Variants in CSNK2A1 observed in about 807,000 individuals in gnomAD.
CSNK2A1 encodes the protein casein kinase 2 alpha 1, also known as casein kinase II subunit alpha.
CSNK2A1 carries 10 observed loss-of-function variants against 62.9 expected under a neutral mutation model. That is an observed-to-expected ratio of 0.16 (90% CI 0.10 to 0.27). CSNK2A1 has a LOEUF of 0.27. Among genes scored for constraint, CSNK2A1 ranks in the 10% least tolerant of loss-of-function variants. The probability of loss-of-function intolerance (pLI) is 1.00; values close to 1 mark genes in which losing one functional copy is unlikely to be tolerated. For missense variants in CSNK2A1, 160 were observed against 492.0 expected (o/e 0.33, Z 6.38); for synonymous variants, 124 against 167.8 (o/e 0.74, Z 2.02).
In CSNK2A1 at chr20:489,893, T is replaced by G; in HGVS notation, c.622-12A>C. The G allele has an allele frequency of 1.3e-6, 2 of 1,595,550 alleles. No homozygotes were observed. Among genetic ancestry groups the G allele is most frequent in the Middle Eastern group, 3.3e-4 (2 of 6,012 alleles). On this transcript the variant is annotated splice_polypyrimidine_tract_variant and intron_variant, in intron 9 of 13. Coordinates refer to ENST00000217244, the MANE Select transcript of CSNK2A1 (RefSeq NM_177559.3). ...CTATAATCGTACATCTGCATAAAAG[T>G]AAACTCACTGTTATTATCTGTGAAT...
chr20:505,071 TA>T, intron 4 of CSNK2A1, 46 bp downstream of exon 4: 2 of 1,497,638 alleles, frequency 1.3e-6, no homozygotes, highest in African/African-American at 2.8e-5. Context: ...AAACTACTTT[TA>T]AAAATCTATA....
Position 497,726 on chromosome 20 carries a change from G to T in CSNK2A1, c.421C>A (p.Leu141Met). ...AGTATTCAAGGTTCACTTACCTTCA[G>T]AATCTCATACATGTAAAATCGAATA... ...YDIRFYMYEI[L>M]KALDYCHSMG... The change falls in exon 7 of 14, where the codon CTG (leucine) becomes ATG (methionine). Residue 141 changes from leucine (L) to methionine (M), a missense_variant. Physicochemically the swap from Leu to Met is conservative, Grantham distance 15. Transcript: ENST00000217244. The T allele has an allele frequency of 6.2e-7, 1 of 1,609,540 alleles. No homozygotes were observed. The highest frequency in any genetic ancestry group is 1.1e-5 in the South Asian group (1 of 90,866).
chr20:521,943 T>C (rs996454795), intron 2 of CSNK2A1, among the ~76,000 whole-genome samples: 3 of 152,186 alleles, frequency 2.0e-5, no homozygotes, highest in African/African-American at 7.2e-5. Flanking sequence ...ACATATTGTA[T>C]ACTTCCATTT....
chr20:493,902 T>C (rs1193890586), intron 8 of CSNK2A1, among the ~76,000 whole-genome samples: 1 of 152,196 alleles, frequency 6.6e-6, no homozygotes, highest in Admixed American at 6.5e-5. Context: ...TCCATCCAAG[T>C]TGTTGCATGT....
intron 13 of CSNK2A1, among the ~76,000 whole-genome samples, chr20:485,537 G>T (rs919557669): frequency 6.6e-6 from 1 of 152,150 alleles, no homozygotes; most frequent in African/African-American, 2.4e-5. Flanking sequence ...AGATCTAACA[G>T]AACATGAAAC....
At chr20:519,889 TA>T (rs1380060344) in intron 2 of CSNK2A1, among the ~76,000 whole-genome samples, 1 of 152,100 alleles carries the variant, frequency 6.6e-6, no homozygotes. Flanking sequence ...TACATAACAA[TA>T]AAAACACAGT....
At chr20:530,143 G>A (rs2019184014) in intron 1 of CSNK2A1, among the ~76,000 whole-genome samples, 1 of 152,066 alleles carries the variant, frequency 6.6e-6, no homozygotes, top group Non-Finnish European at 1.5e-5. Flanking sequence ...GTACCTCAGA[G>A]GATTAACTCC....
chr20:508,969 G>C (rs2018661698), intron 2 of CSNK2A1, among the ~76,000 whole-genome samples: 1 of 152,190 alleles, frequency 6.6e-6, no homozygotes, highest in Non-Finnish European at 1.5e-5. Context: ...AGATACATCA[G>C]CATTACCACT....
chr20:478,557 C>CT lies in CSNK2A1; in HGVS notation c.*5403dup, dbSNP rs1281797688. The CT allele has an allele frequency of 3.1e-6, 1 of 321,144 alleles. No individual in the cohort carries two copies. The highest frequency in any genetic ancestry group is 2.3e-5 in the African/African-American group (1 of 43,124). 19.9% of individuals were successfully genotyped at this position (321,144 alleles called of 1,614,324 possible). ...ATACTCAATCCCCCCAGGAACTTCT[C>CT]TAAGAAATGGACTGACCATCCTGTA... On this transcript the variant is annotated 3_prime_UTR_variant, in exon 14 of 14. Coordinates refer to ENST00000217244, the MANE Select transcript of CSNK2A1 (RefSeq NM_177559.3).
intron 2 of CSNK2A1, among the ~76,000 whole-genome samples, chr20:524,829 A>G (rs1306623018): frequency 2.6e-5 from 4 of 152,152 alleles, no homozygotes; most frequent in East Asian, 1.9e-4. Context: ...TTATGTATCA[A>G]TTAGAAATTA....
intron 2 of CSNK2A1, among the ~76,000 whole-genome samples, chr20:517,686 C>G (rs1483910322): frequency 1.3e-5 from 2 of 152,102 alleles, no homozygotes; most frequent in African/African-American, 4.8e-5. Flanking sequence ...AAGCGTAACA[C>G]TTTAAAGCAA....
chr20:525,650 C>CAAA (rs59103809), intron 2 of CSNK2A1, among the ~76,000 whole-genome samples: 4 of 61,012 alleles, frequency 6.6e-5, no homozygotes, highest in Non-Finnish European at 1.0e-4. Flanking sequence ...GACTCCATCT[C>CAAA]AAAAAAAAAA....
At chr20:512,779 A>G (rs891569666) in intron 2 of CSNK2A1, among the ~76,000 whole-genome samples, 3 of 152,236 alleles carry the variant, frequency 2.0e-5, no homozygotes, top group African/African-American at 4.8e-5. Flanking sequence ...TCAAGTACCA[A>G]AAGTCTTTAA....
chr20:502,693 CTCACAAT>C (rs2018495995), intron 4 of CSNK2A1: 2 of 152,342 alleles, frequency 1.3e-5, no homozygotes, highest in African/African-American at 4.8e-5. Context: ...TCATCAAGGG[CTCACAAT>C]TACCTAGAAG....
At chr20:543,578 G>A in intron 1 of CSNK2A1, 94 bp downstream of exon 1, 1 of 397,216 alleles carries the variant, frequency 2.5e-6, no homozygotes, top group Non-Finnish European at 4.4e-6. Flanking sequence ...CCGCTCAGGA[G>A]TCTGCTGGAA....
At chr20:517,340 C>T (rs1407417005) in intron 2 of CSNK2A1, among the ~76,000 whole-genome samples, 1 of 152,250 alleles carries the variant, frequency 6.6e-6, no homozygotes, top group African/African-American at 2.4e-5. Flanking sequence ...GCAGAATGCT[C>T]ATACATCAAG....
intron 4 of CSNK2A1, 33 bp downstream of exon 4, chr20:505,085 C>T: frequency 6.5e-7 from 1 of 1,548,024 alleles, no homozygotes; most frequent in Non-Finnish European, 8.7e-7. Flanking sequence ...AATCTATATT[C>T]CAAATACCTC....
Position 499,037 on chromosome 20 carries a change from G to A in CSNK2A1, c.366+218C>T. On this transcript the variant is annotated intron_variant, in intron 6 of 13. Coordinates refer to ENST00000217244, the MANE Select transcript of CSNK2A1 (RefSeq NM_177559.3). The surrounding 1 kb of genome is among the most constrained non-coding windows in gnomAD (Gnocchi z 4.2). ...CAACTAAGTAGTGAGAAGTCAATGTGTTGGTCATTAAAAAGAACATTAAAC... is the reference window on the plus strand; with the variant it reads ...CAACTAAGTAGTGAGAAGTCAATGTATTGGTCATTAAAAAGAACATTAAAC... The A allele has an allele frequency of 3.0e-6, 1 of 328,010 alleles. No homozygotes were observed. The highest frequency in any genetic ancestry group is 5.6e-6 in the Non-Finnish European group (1 of 178,732). The allele number at this position is 328,010 out of a possible 1,614,324, so 20.3% of individuals were successfully genotyped here.
intron 2 of CSNK2A1, among the ~76,000 whole-genome samples, chr20:525,520 G>A (rs563753067): frequency 7.1e-4 from 107 of 151,428 alleles, no homozygotes; most frequent in African/African-American, 8.5e-4. Context: ...GCATGGTGGC[G>A]GGCGCCTGTA....
Sources: allele counts gnomAD v4.1 joint callset (sites outside exome capture counted in the v4.1 genomes callset), GRCh38; gene constraint gnomAD v4.1.1; non-coding constraint Gnocchi (gnomAD v3.1); transcripts MANE v1.5; gene names NCBI Gene and HGNC (gene_info 2026-07-23, HGNC 2026-07-21).